Variants in KCTD8 observed in about 807,000 individuals in gnomAD.
KCTD8 encodes the protein BTB/POZ domain-containing protein KCTD8.
In KCTD8, 27 loss-of-function variants were observed where a neutral mutation model predicts 31.5. The ratio of observed to expected loss-of-function variants is 0.86; its 90% confidence interval spans 0.63 to 1.18. The LOEUF (loss-of-function observed/expected upper bound fraction) is 1.18, where lower values mean the gene tolerates loss of function less well. KCTD8 is among the 50% of genes most tolerant of loss of function. The pLI is 0.00. For missense variants in KCTD8, 658 were observed against 647.7 expected (o/e 1.02, Z -0.17); for synonymous variants, 290 against 280.0 (o/e 1.04, Z -0.36).
At chr4:44,250,240 T>C (rs1169907329) in intron 1 of KCTD8, among the ~76,000 whole-genome samples, 1 of 151,754 alleles carries the variant, frequency 6.6e-6, no homozygotes, top group Non-Finnish European at 1.5e-5. Context: ...TCGAATGTTA[T>C]GTTTTCACCA....
At chr4:44,283,226 T>G (rs1445667613) in intron 1 of KCTD8, among the ~76,000 whole-genome samples, 2 of 151,888 alleles carry the variant, frequency 1.3e-5, no homozygotes, top group African/African-American at 2.4e-5. Context: ...ATTTTTGTAT[T>G]TTTAGTAGAG....
intron 1 of KCTD8, among the ~76,000 whole-genome samples, chr4:44,349,074 A>G (rs1168669799): frequency 1.7e-5 from 2 of 121,094 alleles, no homozygotes; most frequent in South Asian, 2.5e-4. Flanking sequence ...TGCCACCGCC[A>G]CCACCACCAC....
intron 1 of KCTD8, among the ~76,000 whole-genome samples, chr4:44,367,643 G>A (rs1719675814): frequency 6.6e-6 from 1 of 152,102 alleles, no homozygotes; most frequent in Admixed American, 6.5e-5. Flanking sequence ...TTAACTAAAT[G>A]TGTCATTGTT....
At chr4:44,358,077 C>T (rs553345441) in intron 1 of KCTD8, among the ~76,000 whole-genome samples, 3 of 151,104 alleles carry the variant, frequency 2.0e-5, no homozygotes, top group East Asian at 3.9e-4. Context: ...CCCAGGTGCA[C>T]GATGTTTCCT....
rs77168807 is a variant in KCTD8, at chr4:44,343,539, T to C, written c.961+104024A>G. Among the ~76,000 whole-genome samples, 646 of 152,206 alleles carry C rather than the reference T, an allele frequency of 4.2e-3. 6 individuals are homozygous for C. The highest frequency in any genetic ancestry group is 0.015 in the African/African-American group (619 of 41,516). On this transcript the variant is annotated intron_variant, in intron 1 of 1. Coordinates refer to ENST00000360029, the MANE Select transcript of KCTD8 (RefSeq NM_198353.3). ...AGAGACATGAAGTGAGCACCTGCTG[T>C]CTGAAAAATGGCTTGCTCAACACAG...
At chr4:44,413,330 A>G (rs779919447) in intron 1 of KCTD8, among the ~76,000 whole-genome samples, 1 of 152,184 alleles carries the variant, frequency 6.6e-6, no homozygotes, top group Admixed American at 6.5e-5. Context: ...ATTCGTATAA[A>G]ATGAGCAGTT....
chr4:44,292,724 G>C (rs1717316986), intron 1 of KCTD8, among the ~76,000 whole-genome samples: 1 of 152,028 alleles, frequency 6.6e-6, no homozygotes, highest in Admixed American at 6.6e-5. Context: ...AGGGAAAAAA[G>C]TCTAGGAAGT....
chr4:44,403,443 A>C (rs75283173), intron 1 of KCTD8, among the ~76,000 whole-genome samples: 17,782 of 142,704 alleles, frequency 0.12, 1,188 homozygotes, highest in East Asian at 0.21. Flanking sequence ...AAAAAAAAAA[A>C]CAGATTAAGT....
chr4:44,411,286 G>A (rs113235144), intron 1 of KCTD8, among the ~76,000 whole-genome samples: 119 of 149,820 alleles, frequency 7.9e-4, no homozygotes, highest in African/African-American at 2.8e-3. Context: ...ACTGAAGTGG[G>A]AGAAACGACT....
At chr4:44,414,295 C>T (rs1303207180) in intron 1 of KCTD8, among the ~76,000 whole-genome samples, 2 of 151,922 alleles carry the variant, frequency 1.3e-5, no homozygotes, top group Non-Finnish European at 2.9e-5. Flanking sequence ...GAAAAGTATA[C>T]TCTTCTCAGG....
intron 1 of KCTD8, among the ~76,000 whole-genome samples, chr4:44,395,721 T>A (rs1208686317): frequency 1.3e-5 from 2 of 152,128 alleles, no homozygotes; most frequent in African/African-American, 4.8e-5. Context: ...CTTTTACTAT[T>A]TTCTGACTGG....
intron 1 of KCTD8, among the ~76,000 whole-genome samples, chr4:44,214,107 G>T (rs1714575481): frequency 6.6e-6 from 1 of 152,018 alleles, no homozygotes; most frequent in Admixed American, 6.6e-5. Flanking sequence ...TAAGCCCTAA[G>T]CACCTATTAT....
intron 1 of KCTD8, among the ~76,000 whole-genome samples, chr4:44,273,566 G>T (rs555761241): frequency 2.0e-5 from 3 of 151,896 alleles, no homozygotes; most frequent in African/African-American, 4.8e-5. Context: ...GATGGGGAAA[G>T]GAGTCAATTT....
At chr4:44,303,155 A>T (rs577406247) in intron 1 of KCTD8, among the ~76,000 whole-genome samples, 6 of 152,136 alleles carry the variant, frequency 3.9e-5, no homozygotes, top group African/African-American at 1.4e-4. Flanking sequence ...ATCGATGTTC[A>T]TCAAGGATAT....
intron 1 of KCTD8, among the ~76,000 whole-genome samples, chr4:44,240,495 T>G (rs1356408578): frequency 6.6e-6 from 1 of 152,160 alleles, no homozygotes; most frequent in African/African-American, 2.4e-5. Context: ...CCCGGGATTT[T>G]ATTTGTTTGT....
intron 1 of KCTD8, among the ~76,000 whole-genome samples, chr4:44,239,612 G>T (rs1715390170): frequency 6.6e-6 from 1 of 152,114 alleles, no homozygotes; most frequent in South Asian, 2.1e-4. Flanking sequence ...TTATTAAGTT[G>T]TTCACCATAT....
chr4:44,437,887 C>T (rs1191824939), intron 1 of KCTD8, among the ~76,000 whole-genome samples: 8 of 152,098 alleles, frequency 5.3e-5, no homozygotes, highest in Admixed American at 2.0e-4. Context: ...TTCTCTTTTA[C>T]TCTAAACGAG....
chr4:44,428,101 A>G (rs541505526), intron 1 of KCTD8, among the ~76,000 whole-genome samples: 6 of 151,880 alleles, frequency 4.0e-5, no homozygotes, highest in Admixed American at 3.9e-4. Flanking sequence ...AACATGATGG[A>G]AATTAGTTTG....
intron 1 of KCTD8, among the ~76,000 whole-genome samples, chr4:44,351,013 T>C (rs932694263): frequency 6.6e-6 from 1 of 152,146 alleles, no homozygotes; most frequent in Non-Finnish European, 1.5e-5. Context: ...GTCAATTTTA[T>C]TCAGATATAT....
Sources: gnomAD v4.1 joint callset for allele counts (sites outside exome capture counted in the v4.1 genomes callset) on GRCh38, gnomAD v4.1.1 for gene constraint, MANE v1.5 for transcripts, NCBI Gene and HGNC (gene_info 2026-07-23, HGNC 2026-07-21) for gene names.